KCNIP4: variants seen among roughly 807,000 people sequenced by gnomAD.
KCNIP4 encodes potassium voltage-gated channel interacting protein 4.
A neutral mutation model predicts 34.0 loss-of-function variants in KCNIP4; 12 were observed. That is an observed-to-expected ratio of 0.35 (90% CI 0.23 to 0.57). The LOEUF (loss-of-function observed/expected upper bound fraction) is 0.57. Among genes scored for constraint, KCNIP4 ranks in the 20% least tolerant of loss-of-function variants. The pLI, the probability that KCNIP4 is intolerant of heterozygous loss-of-function variation, is 0.83. For synonymous variants in KCNIP4, 124 were observed against 102.2 expected (o/e 1.21, Z -1.29); for missense variants, 238 against 311.7 (o/e 0.76, Z 1.78).
chr4:21,856,604 G>A (rs1254707403), intron 1 of KCNIP4, among the ~76,000 whole-genome samples: 1 of 152,156 alleles, frequency 6.6e-6, no homozygotes, highest in Non-Finnish European at 1.5e-5. Flanking sequence ...GCATGCCTGT[G>A]CACTTGGGGG....
At chr4:21,919,927 C>T (rs537117149) in intron 1 of KCNIP4, among the ~76,000 whole-genome samples, 21 of 151,868 alleles carry the variant, frequency 1.4e-4, no homozygotes, top group Admixed American at 6.6e-4. Context: ...GATGTCATAG[C>T]GGAGATTTAT....
chr4:21,350,623 T>C (rs1037474585), intron 1 of KCNIP4, among the ~76,000 whole-genome samples: 1 of 152,138 alleles, frequency 6.6e-6, no homozygotes, highest in Admixed American at 6.6e-5. Flanking sequence ...AGGTGAAGCA[T>C]CCCCAGTGGC....
At chr4:20,874,665 G>A (rs950517699) in intron 2 of KCNIP4, among the ~76,000 whole-genome samples, 1 of 150,778 alleles carries the variant, frequency 6.6e-6, no homozygotes, top group Non-Finnish European at 1.5e-5. Flanking sequence ...ATGTGACTTT[G>A]GGCAAGCCAC....
chr4:21,251,851 A>G (rs1290536037), intron 1 of KCNIP4, among the ~76,000 whole-genome samples: 56 of 112,454 alleles, frequency 5.0e-4, no homozygotes, highest in African/African-American at 1.7e-3. Flanking sequence ...ATCACACTCT[A>G]GGGACTGTGG....
At chr4:21,736,255 C>G (rs1034501) in intron 1 of KCNIP4, among the ~76,000 whole-genome samples, 18,204 of 152,034 alleles carry the variant, frequency 0.12, 3,721 homozygotes, top group African/African-American at 0.42. Flanking sequence ...CATGGCCCAG[C>G]CCATCTCAAT....
At chr4:21,730,867 C>T (rs1466398951) in intron 1 of KCNIP4, among the ~76,000 whole-genome samples, 1 of 152,062 alleles carries the variant, frequency 6.6e-6, no homozygotes, top group African/African-American at 2.4e-5. Flanking sequence ...AATTCCAGCA[C>T]TTCGGGAGGC....
chr4:21,190,656 C>A (rs552500553), intron 1 of KCNIP4, among the ~76,000 whole-genome samples: 1 of 152,254 alleles, frequency 6.6e-6, no homozygotes, highest in Non-Finnish European at 1.5e-5. Context: ...ACATTCTAAA[C>A]CCCAATGGCT....
chr4:21,487,194 T>A (rs1404826085), intron 1 of KCNIP4, among the ~76,000 whole-genome samples: 1 of 152,192 alleles, frequency 6.6e-6, no homozygotes, highest in African/African-American at 2.4e-5. Flanking sequence ...AGTTGTCATG[T>A]CTCCTTAAGC....
intron 1 of KCNIP4, among the ~76,000 whole-genome samples, chr4:21,147,309 C>T (rs1427754049): frequency 6.6e-6 from 1 of 152,150 alleles, no homozygotes; most frequent in African/African-American, 2.4e-5. Context: ...CGGGGAGGCC[C>T]AGTTTGCACT....
intron 1 of KCNIP4, among the ~76,000 whole-genome samples, chr4:21,912,608 A>G (rs183155798): frequency 2.3e-4 from 35 of 152,200 alleles, no homozygotes; most frequent in Middle Eastern, 3.4e-3. Context: ...TTTCCCCAGG[A>G]AGGTGAGGTA....
chr4:21,465,566 A>C (rs1406548507), intron 1 of KCNIP4, among the ~76,000 whole-genome samples: 2 of 152,142 alleles, frequency 1.3e-5, no homozygotes, highest in African/African-American at 2.4e-5. Flanking sequence ...TTTTGTTGAT[A>C]TATCTGAATA....
chr4:21,655,855 T>C (rs1747880959), intron 1 of KCNIP4, among the ~76,000 whole-genome samples: 2 of 152,228 alleles, frequency 1.3e-5, no homozygotes, highest in Non-Finnish European at 2.9e-5. Flanking sequence ...AAATATTGAT[T>C]ATTATGAATG....
chr4:20,790,289 A>T (rs1419556911), intron 3 of KCNIP4, among the ~76,000 whole-genome samples: 2 of 152,202 alleles, frequency 1.3e-5, no homozygotes, highest in Non-Finnish European at 2.9e-5. Context: ...TGGGTGAATC[A>T]ACAAATGAAT....
chr4:21,366,354 G>A (rs1484986294), intron 1 of KCNIP4, among the ~76,000 whole-genome samples: 2 of 152,160 alleles, frequency 1.3e-5, no homozygotes, highest in Non-Finnish European at 2.9e-5. Flanking sequence ...CAAATTTTCA[G>A]CCATGCCAGC....
Position 20,900,231 on chromosome 4 carries a change from G to A in KCNIP4, c.62-17522C>T, listed in dbSNP as rs1727018946. 2.0e-5 allele frequency among the ~76,000 whole-genome samples: 3 copies of A among 152,232 alleles called. No individual in the cohort carries two copies. The South Asian group carries it at 6.2e-4, about 32-fold the overall frequency. ...CCAAGACCACCTATTTTAGAAATAT[G>A]CTATAACTAAACATTGAAAAAGGTA... On this transcript the variant is annotated intron_variant, in intron 1 of 8. Transcript: ENST00000382152.
intron 1 of KCNIP4, among the ~76,000 whole-genome samples, chr4:21,209,366 A>C (rs757970820): frequency 6.6e-6 from 1 of 152,076 alleles, no homozygotes; most frequent in Non-Finnish European, 1.5e-5. Flanking sequence ...ATCTAGCTGT[A>C]ATTTTGTATC....
chr4:20,988,702 T>C (rs1736812912), intron 1 of KCNIP4, among the ~76,000 whole-genome samples: 1 of 152,216 alleles, frequency 6.6e-6, no homozygotes, highest in Non-Finnish European at 1.5e-5. Flanking sequence ...ATTATTAGCC[T>C]ATGAAGGGAA....
chr4:21,118,562 A>G (rs1749883322), intron 1 of KCNIP4, among the ~76,000 whole-genome samples: 1 of 152,110 alleles, frequency 6.6e-6, no homozygotes, highest in African/African-American at 2.4e-5. Flanking sequence ...GTTGCAAGAG[A>G]CAGTGGCTGA....
Position 21,777,433 on chromosome 4 carries a change from C to T in KCNIP4, c.61+171138G>A, listed in dbSNP as rs191664765. 2.8e-3 allele frequency among the ~76,000 whole-genome samples: 431 copies of T among 151,948 alleles called. 3 individuals are homozygous for T. Among genetic ancestry groups the T allele is most frequent in the African/African-American group, 9.6e-3 (400 of 41,470 alleles). On this transcript the variant is annotated intron_variant, in intron 1 of 8. Transcript: ENST00000382152. ...ATCACTAAAGCACCTTCATATGGTG[C>T]CACAAAGCATACCATTTTGAGGAAA...
Sources: allele counts gnomAD v4.1 joint callset (sites outside exome capture counted in the v4.1 genomes callset), GRCh38; gene constraint gnomAD v4.1.1; transcripts MANE v1.5; gene names NCBI Gene and HGNC (gene_info 2026-07-23, HGNC 2026-07-21).